GRIA1: variants seen among roughly 807,000 people sequenced by gnomAD.
The protein encoded by GRIA1 is glutamate receptor 1.
GRIA1 carries 31 observed loss-of-function variants against 99.2 expected under a neutral mutation model. The observed-to-expected ratio is 0.31, with a 90% CI of 0.23 to 0.42. GRIA1 has a LOEUF of 0.42. Among genes scored for constraint, GRIA1 ranks in the 10% least tolerant of loss-of-function variants. The pLI is 1.00. For missense variants in GRIA1, 782 were observed against 1,157.5 expected (o/e 0.68, Z 4.71); for synonymous variants, 438 against 432.4 (o/e 1.01, Z -0.16).
intron 2 of GRIA1, among the ~76,000 whole-genome samples, chr5:153,642,037 G>A (rs188168897): frequency 6.6e-6 from 1 of 152,306 alleles, no homozygotes; most frequent in East Asian, 1.9e-4. Flanking sequence ...GTGTGTATGT[G>A]TATAGACTTC....
At chr5:153,742,108 G>GAA (rs140908652) in intron 11 of GRIA1, among the ~76,000 whole-genome samples, 4 of 151,782 alleles carry the variant, frequency 2.6e-5, no homozygotes, top group African/African-American at 7.3e-5. Context: ...GGAAAGATAC[G>GAA]AAAAAAAATA....
At chr5:153,540,274 A>G (rs1758952944) in intron 2 of GRIA1, among the ~76,000 whole-genome samples, 8 of 152,222 alleles carry the variant, frequency 5.3e-5, no homozygotes, top group Admixed American at 5.2e-4. Flanking sequence ...TGCTGGAGAG[A>G]CAAGAAGGAA....
Position 153,547,981 on chromosome 5 carries a change from C to G in GRIA1, c.220+53916C>G, listed in dbSNP as rs149234803. Among the ~76,000 whole-genome samples the G allele has an allele frequency of 6.1e-3, 932 of 152,240 alleles. 6 individuals are homozygous for G. The highest frequency in any genetic ancestry group is 8.5e-3 in the Non-Finnish European group (580 of 68,010). On this transcript the variant is annotated intron_variant, in intron 2 of 15. Coordinates refer to ENST00000285900, the MANE Select transcript of GRIA1 (RefSeq NM_000827.4). The stretch of plus-strand genomic sequence containing the variant: ...AAACGTCCTAGATTTTTGACATACC[C>G]CATGTCTCCATTTATTGTGACATTG...
intron 2 of GRIA1, among the ~76,000 whole-genome samples, chr5:153,511,439 G>A (rs1412931658): frequency 1.3e-5 from 2 of 152,154 alleles, no homozygotes; most frequent in African/African-American, 4.8e-5. Context: ...GTTCACCAAA[G>A]TTCATCTCCA....
Position 153,547,685 on chromosome 5 carries a change from T to C in GRIA1, c.220+53620T>C, listed in dbSNP as rs559987592. Among the ~76,000 whole-genome samples the C allele has an allele frequency of 6.2e-4, 94 of 152,344 alleles. 2 individuals are homozygous for C. The highest frequency in any genetic ancestry group is 2.2e-3 in the African/African-American group (90 of 41,588). ...ACTATATTAGTAATAGCTAGTTACTTGTAACACAGTTTAGAGCCATTAATA... is the reference window on the plus strand; with the variant it reads ...ACTATATTAGTAATAGCTAGTTACTCGTAACACAGTTTAGAGCCATTAATA... On this transcript the variant is annotated intron_variant, in intron 2 of 15. Coordinates refer to ENST00000285900, the MANE Select transcript of GRIA1 (RefSeq NM_000827.4).
chr5:153,539,039 T>G (rs1758836659), intron 2 of GRIA1, among the ~76,000 whole-genome samples: 2 of 152,216 alleles, frequency 1.3e-5, no homozygotes, highest in South Asian at 4.1e-4. Flanking sequence ...TCAAACCTCA[T>G]GAAGGGGTAA....
chr5:153,510,190 C>T (rs757192010), intron 2 of GRIA1, among the ~76,000 whole-genome samples: 5 of 152,236 alleles, frequency 3.3e-5, no homozygotes, highest in African/African-American at 4.8e-5. Flanking sequence ...AGACAAACTG[C>T]TTTAACTAAA....
intron 2 of GRIA1, among the ~76,000 whole-genome samples, chr5:153,541,799 C>A (rs6580018): frequency 0.47 from 70,486 of 151,526 alleles, 18,103 homozygotes; most frequent in Non-Finnish European, 0.59. Context: ...ACATGGTGGC[C>A]CACACCTGTA....
chr5:153,765,106 T>C (rs911635465), intron 12 of GRIA1, among the ~76,000 whole-genome samples: 7 of 152,064 alleles, frequency 4.6e-5, no homozygotes, highest in Admixed American at 3.9e-4. Flanking sequence ...AGGTGATCTA[T>C]TAAATGGTGC....
intron 6 of GRIA1, 135 bp from the exon 7 acceptor site, chr5:153,676,859 G>T: frequency 1.9e-6 from 1 of 539,508 alleles, no homozygotes; most frequent in Non-Finnish European, 3.0e-6. Context: ...ACCACTGTCT[G>T]CCCCACGTAT....
intron 2 of GRIA1, among the ~76,000 whole-genome samples, chr5:153,578,164 A>AAG (rs1308940636): frequency 9.8e-5 from 14 of 143,572 alleles, no homozygotes; most frequent in Non-Finnish European, 2.1e-4. Flanking sequence ...AAAAAAAAAA[A>AAG]AAAAAAAAAG....
intron 2 of GRIA1, among the ~76,000 whole-genome samples, chr5:153,644,243 T>G (rs996889391): frequency 6.6e-6 from 1 of 152,226 alleles, no homozygotes; most frequent in African/African-American, 2.4e-5. Flanking sequence ...ATCTTTATTC[T>G]AGTTATTATA....
intron 2 of GRIA1, among the ~76,000 whole-genome samples, chr5:153,572,980 T>C (rs1762250047): frequency 6.6e-6 from 1 of 152,094 alleles, no homozygotes; most frequent in Non-Finnish European, 1.5e-5. Flanking sequence ...TCCCAGAGAG[T>C]CTGGCCTTTC....
chr5:153,714,740 A>G (rs1561793405), intron 11 of GRIA1, among the ~76,000 whole-genome samples: 1 of 152,272 alleles, frequency 6.6e-6, no homozygotes, highest in African/African-American at 2.4e-5. Context: ...ATGGTTTTGA[A>G]TATGAGTTAG....
At chr5:153,496,988 A>T (rs976601576) in intron 2 of GRIA1, among the ~76,000 whole-genome samples, 1 of 152,068 alleles carries the variant, frequency 6.6e-6, no homozygotes, top group Non-Finnish European at 1.5e-5. Context: ...AGGAAGTGTA[A>T]TGGGACCTGT....
At chr5:153,555,874 AC>A (rs768510200) in intron 2 of GRIA1, among the ~76,000 whole-genome samples, 13 of 152,186 alleles carry the variant, frequency 8.5e-5, no homozygotes, top group Non-Finnish European at 1.3e-4. Context: ...GAGCGATCTG[AC>A]CTTTGTGATC....
intron 13 of GRIA1, among the ~76,000 whole-genome samples, chr5:153,776,178 G>A (rs1039892123): frequency 1.3e-5 from 2 of 152,166 alleles, no homozygotes; most frequent in Non-Finnish European, 2.9e-5. Context: ...ACCTGTTGTG[G>A]TCATCTTGGT....
In GRIA1 at chr5:153,732,037, C is replaced by T. The variant is rs560273572; in HGVS notation, c.1823+25970C>T. ...TGGCTTATTTCACTTATAATGCCCTCCAGGTTCAACCATTCTGTCACAAAT... is the reference window on the plus strand; with the variant it reads ...TGGCTTATTTCACTTATAATGCCCTTCAGGTTCAACCATTCTGTCACAAAT... On this transcript the variant is annotated intron_variant, in intron 11 of 15. Coordinates refer to ENST00000285900, the MANE Select transcript of GRIA1 (RefSeq NM_000827.4). 3.9e-5 allele frequency among the ~76,000 whole-genome samples: 6 copies of T among 152,160 alleles called. No homozygotes were observed. In the South Asian group the frequency reaches 1.2e-3, roughly 32 times the overall value.
intron 2 of GRIA1, among the ~76,000 whole-genome samples, chr5:153,559,003 G>C (rs959619838): frequency 6.6e-6 from 1 of 152,154 alleles, no homozygotes; most frequent in Non-Finnish European, 1.5e-5. Context: ...GGTTAGGATT[G>C]AAGTGCTTCC....
Sources: gnomAD v4.1 joint callset for allele counts (sites outside exome capture counted in the v4.1 genomes callset) on GRCh38, gnomAD v4.1.1 for gene constraint, MANE v1.5 for transcripts, NCBI Gene and HGNC (gene_info 2026-07-23, HGNC 2026-07-21) for gene names.